Variants in ZFR2 observed in about 807,000 individuals in gnomAD.
ZFR2 encodes the protein zinc finger RNA-binding protein 2.
Under a neutral mutation model 105.7 loss-of-function variants are expected in ZFR2, and 104 were observed. The observed-to-expected ratio is 0.98, with a 90% CI of 0.84 to 1.16. ZFR2 has a LOEUF of 1.16. ZFR2 is among the 50% of genes most tolerant of loss of function. The pLI is 0.00. For synonymous variants in ZFR2, 634 were observed against 597.7 expected (o/e 1.06, Z -0.89); for missense variants, 1,425 against 1,355.5 (o/e 1.05, Z -0.80).
rs756593762 is a variant in ZFR2 at position 3,834,875 on chromosome 19, C to T, written c.162G>A (p.Pro54=). The T allele has an allele frequency of 5.0e-6, 8 of 1,611,610 alleles. No individual in the cohort carries two copies. Among genetic ancestry groups the T allele is most frequent in the Admixed American group, 3.3e-5 (2 of 59,708 alleles). The part of the protein sequence containing the change: ...AVNPAFPPAA[P]AGYGGYQPHS... The stretch of plus-strand genomic sequence containing the variant: ...GGGGCTGGTATCCACCGTACCCTGC[C>T]GGGGCAGCTGGGGGAAAGGCCGGGT... The change falls in exon 2 of 19, where the codon CCG becomes CCA. Residue 54 remains proline, a synonymous_variant. Transcript: ENST00000262961. This position sits in a 1 kb window ranked among gnomAD's most constrained non-coding sequence, Gnocchi z 5.3.
chr19:3,831,067 GCA>G (rs1042717788), intron 5 of ZFR2, among the ~76,000 whole-genome samples: 3 of 151,736 alleles, frequency 2.0e-5, no homozygotes, highest in Admixed American at 1.3e-4. Flanking sequence ...ACTCACGTTT[GCA>G]CACACATATG....
At chr19:3,839,043 C>T (rs1240745438) in intron 1 of ZFR2, among the ~76,000 whole-genome samples, 1 of 152,144 alleles carries the variant, frequency 6.6e-6, no homozygotes, top group African/African-American at 2.4e-5. Context: ...GGCAGCTCTA[C>T]AGAAGGATGG....
In ZFR2 at chr19:3,819,212, G is replaced by A. The variant is rs746475342; in HGVS notation, c.1764C>T (p.Ser588=). The A allele has an allele frequency of 1.0e-5, 16 of 1,558,056 alleles. No individual in the cohort carries two copies. The South Asian group carries it at 1.3e-4, about 12-fold the overall frequency. Residue 588 remains serine (S), a synonymous_variant, in exon 12 of 19, where the codon AGC becomes AGT. Transcript: ENST00000262961. Reference sequence around the variant, plus strand: ...GCTTGCACATGACGTGCCGGTCGTCGCTGGACGCCGGCCGCCGCCCGGGCT... The same window carrying A: ...GCTTGCACATGACGTGCCGGTCGTCACTGGACGCCGGCCGCCGCCCGGGCT... ...PLQPGRRPAS[S]DDRHVMCKHA... is the part of the protein sequence containing the mutation.
At chr19:3,807,103 G>T in intron 18 of ZFR2, 69 bp downstream of exon 18, 1 of 1,216,196 alleles carries the variant, frequency 8.2e-7, no homozygotes, top group South Asian at 1.4e-5. Context: ...CCATTTCGGG[G>T]AACACTGCAC....
At chr19:3,818,350 C>A (rs2037847902) in intron 12 of ZFR2, among the ~76,000 whole-genome samples, 1 of 152,050 alleles carries the variant, frequency 6.6e-6, no homozygotes, top group Non-Finnish European at 1.5e-5. Context: ...GCCTGCAGTC[C>A]CAGCTACTCG....
In ZFR2 at chr19:3,820,308, G is replaced by C; in HGVS notation, c.1632-18C>G. 1 of 1,536,306 alleles carries C rather than the reference G, an allele frequency of 6.5e-7. No homozygotes were observed. Among genetic ancestry groups the C allele is most frequent in the Non-Finnish European group, 8.7e-7 (1 of 1,144,514 alleles). On this transcript the variant is annotated intron_variant, in intron 10 of 18. Coordinates refer to ENST00000262961, the MANE Select transcript of ZFR2 (RefSeq NM_015174.2). Reference sequence around the variant, plus strand: ...CCAGCCGCCTGCAGGACCGAGACGTGACAGAGCATGGTCAGGCCAGCAGTG... The same window carrying C: ...CCAGCCGCCTGCAGGACCGAGACGTCACAGAGCATGGTCAGGCCAGCAGTG...
Position 3,831,486 on chromosome 19 carries a change from G to A in ZFR2, c.669C>T (p.Pro223=). The A allele has an allele frequency of 6.4e-7, 1 of 1,550,396 alleles. No individual in the cohort carries two copies. Residue 223 remains proline (P), a synonymous_variant, in exon 5 of 19, where the codon CCC becomes CCT. Coordinates refer to ENST00000262961, the MANE Select transcript of ZFR2 (RefSeq NM_015174.2). The stretch of plus-strand genomic sequence containing the variant: ...GCTGCGGGGGTCCCGGGGGAGGCGG[G>A]GGCTGCGCTGGAGGATAGAAAGGGC... ...AASPFYPPAQ[P]PPPPGPPQQL...
intron 17 of ZFR2, among the ~76,000 whole-genome samples, 167 bp downstream of exon 17, chr19:3,808,698 ACCGCGGC>A (rs1413886294): frequency 1.3e-5 from 2 of 152,092 alleles, no homozygotes; most frequent in Non-Finnish European, 2.9e-5. Flanking sequence ...GTCCTCCATG[ACCGCGGC>A]CCTGTCTGCC....
In ZFR2 at chr19:3,805,931, G is replaced by A; in HGVS notation, c.*18C>T. On this transcript the variant is annotated 3_prime_UTR_variant, in exon 19 of 19. Coordinates refer to ENST00000262961, the MANE Select transcript of ZFR2 (RefSeq NM_015174.2). ...AGTGCAGGGATGCAAAGGCCCGCAG[G>A]TGGGGGAGGTAGGCGGCTCACACGA... The A allele has an allele frequency of 6.6e-7, 1 of 1,519,136 alleles. No homozygotes were observed. Among genetic ancestry groups the A allele is most frequent in the Non-Finnish European group, 8.8e-7 (1 of 1,137,524 alleles). The allele number at this position is 1,519,136 out of a possible 1,614,324, so 94.1% of individuals were successfully genotyped here. A position where few individuals can be genotyped will look rare whatever the true frequency, so the allele number is the denominator to read the frequency against.
intron 8 of ZFR2, among the ~76,000 whole-genome samples, chr19:3,822,793 G>A (rs1170261328): frequency 6.6e-6 from 1 of 152,216 alleles, no homozygotes; most frequent in African/African-American, 2.4e-5. Flanking sequence ...GCCAACCGGG[G>A]TCTGAACTGC....
In ZFR2 at chr19:3,858,557, C is replaced by T. The variant is rs2038334369; in HGVS notation, c.53+10408G>A. On this transcript the variant is annotated intron_variant, in intron 1 of 18. Transcript: ENST00000262961. This position sits in a 1 kb window ranked among gnomAD's most constrained non-coding sequence, Gnocchi z 4.3. ...ACTCAGTCAGGTGCAGTGGCTCACGCCTATAATCCCAGTGCTTTGGGAGGC... is the reference window on the plus strand; with the variant it reads ...ACTCAGTCAGGTGCAGTGGCTCACGTCTATAATCCCAGTGCTTTGGGAGGC... 6.6e-6 allele frequency among the ~76,000 whole-genome samples: 1 copy of T among 152,216 alleles called. No homozygotes were observed. Among genetic ancestry groups the T allele is most frequent in the South Asian group, 2.1e-4 (1 of 4,824 alleles).
chr19:3,852,292 G>A (rs1231522249), intron 1 of ZFR2: 2 of 611,078 alleles, frequency 3.3e-6, no homozygotes, highest in African/African-American at 3.7e-5. Context: ...TGGCTGAGGT[G>A]GGGTTCAGCT....
Position 3,808,959 on chromosome 19 carries a change from C to T in ZFR2, c.2458G>A (p.Ala820Thr). The change falls in exon 17 of 19, where the codon GCT (alanine) becomes ACT (threonine). Residue 820 changes from alanine (A) to threonine (T), a missense_variant. Physicochemically the swap from Ala to Thr is moderately conservative, Grantham distance 58 (BLOSUM62 0). Transcript: ENST00000262961. ...AWAMELLVEK[A>T]VSSAAGPLGP... ...AGGGGCCCAGCCGCACTGCTCACAG[C>T]CTTCTCCACCAGCAGCTCCATGGCC... 1 of 1,567,380 alleles carries T rather than the reference C, an allele frequency of 6.4e-7. No individual in the cohort carries two copies. Among genetic ancestry groups the T allele is most frequent in the Non-Finnish European group, 8.6e-7 (1 of 1,158,714 alleles).
rs552266396 is a variant in ZFR2 at position 3,841,067 on chromosome 19, C to T, written c.54-6084G>A. ...TCTAGGTTGGCCACGGTTCAGGGCCCGGGAGACCCAGGCCCCATCTCTGGC... is the reference window on the plus strand; with the variant it reads ...TCTAGGTTGGCCACGGTTCAGGGCCTGGGAGACCCAGGCCCCATCTCTGGC... On this transcript the variant is annotated intron_variant, in intron 1 of 18. Coordinates refer to ENST00000262961, the MANE Select transcript of ZFR2 (RefSeq NM_015174.2). Among the ~76,000 whole-genome samples the T allele has an allele frequency of 7.2e-5, 11 of 151,970 alleles. No individual in the cohort carries two copies. In the South Asian group the frequency reaches 1.5e-3, roughly 20 times the overall value.
chr19:3,830,136 C>CA (rs200638063), intron 5 of ZFR2, among the ~76,000 whole-genome samples: 1,297 of 127,000 alleles, frequency 0.01, 4 homozygotes, highest in East Asian at 0.015. Context: ...CCTGTATCTA[C>CA]AAAAAAATTT....
At chr19:3,841,258 G>A (rs80231309) in intron 1 of ZFR2, among the ~76,000 whole-genome samples, 3,331 of 152,352 alleles carry the variant, frequency 0.022, 119 homozygotes, top group African/African-American at 0.075. Context: ...GGCCGGCAAC[G>A]GGTCTTGGAG....
At chr19:3,829,885 T>G (rs1004584336) in intron 5 of ZFR2, among the ~76,000 whole-genome samples, 7 of 152,194 alleles carry the variant, frequency 4.6e-5, no homozygotes, top group African/African-American at 1.7e-4. Context: ...ACATCTTGGT[T>G]TGATTTCTGC....
At chr19:3,810,907 G>A (rs2037756646) in intron 15 of ZFR2, 62 bp from the exon 16 acceptor site, 24 of 1,521,514 alleles carry the variant, frequency 1.6e-5, no homozygotes, top group South Asian at 9.6e-5. Flanking sequence ...GCATGGCGCC[G>A]GGCTCTGTCG....
At chr19:3,855,862 G>C (rs2038292642) in intron 1 of ZFR2, among the ~76,000 whole-genome samples, 1 of 152,162 alleles carries the variant, frequency 6.6e-6, no homozygotes, top group South Asian at 2.1e-4. Context: ...GATGGGGTCA[G>C]AGAATAAAGG....
Sources: allele counts gnomAD v4.1 joint callset (sites outside exome capture counted in the v4.1 genomes callset), GRCh38; gene constraint gnomAD v4.1.1; non-coding constraint Gnocchi (gnomAD v3.1); transcripts MANE v1.5; gene names NCBI Gene and HGNC (gene_info 2026-07-23, HGNC 2026-07-21).